Variants in LRRC53 observed in about 807,000 individuals in gnomAD.
LRRC53 encodes leucine-rich repeat-containing protein 53.
Under a neutral mutation model 13.6 loss-of-function variants are expected in LRRC53, and 25 were observed. The observed-to-expected ratio is 1.83, with a 90% CI of 1.34 to 2.56. The LOEUF (loss-of-function observed/expected upper bound fraction) is 2.56. LRRC53 is among the 30% of genes most tolerant of loss of function. The pLI is 0.00. For synonymous variants in LRRC53, 204 were observed against 109.8 expected (o/e 1.86, Z -5.37); for missense variants, 527 against 275.8 (o/e 1.91, Z -6.45).
Position 74,472,088 on chromosome 1 carries a change from CT to C in LRRC53, c.1533del (p.Glu512LysfsTer47). Reference sequence around the variant, plus strand: ...CTATGAGGGTGTAAGCCATTGTCTTCTTTTTCTATTGGAGGCTGCCATGATT... The same window carrying C: ...CTATGAGGGTGTAAGCCATTGTCTTCTTTTCTATTGGAGGCTGCCATGATT... ...TNESWQPPIE[K>X]EDNGLHPHRQ... is the part of the protein sequence containing the mutation. On this transcript the variant is annotated frameshift_variant, in exon 5 of 5. Coordinates refer to ENST00000294635, the MANE Select transcript of LRRC53 (RefSeq NM_001382280.1). LOFTEE classifies it low-confidence loss of function (END_TRUNC). 1.4e-6 allele frequency: 1 copy of C among 717,154 alleles called. No homozygotes were observed. The highest frequency in any genetic ancestry group is 2.6e-6 in the Non-Finnish European group (1 of 384,856). 44.4% of individuals were successfully genotyped at this position (717,154 alleles called of 1,614,324 possible). A position where few individuals can be genotyped will look rare whatever the true frequency, so the allele number is the denominator to read the frequency against.
intron 1 of LRRC53, among the ~76,000 whole-genome samples, chr1:74,501,690 T>G (rs1669640262): frequency 6.6e-6 from 1 of 152,148 alleles, no homozygotes; most frequent in South Asian, 2.1e-4. Context: ...GGTTTCACCA[T>G]GTTGGTCAGG....
chr1:74,471,069 C>G lies in LRRC53; in HGVS notation c.2553G>C (p.Arg851Ser), dbSNP rs1037699299. 2.5e-6 allele frequency: 1 copy of G among 400,684 alleles called. No homozygotes were observed. Among genetic ancestry groups the G allele is most frequent in the Non-Finnish European group, 4.4e-6 (1 of 226,174 alleles). The allele number at this position is 400,684 out of a possible 1,614,324, so 24.8% of individuals were successfully genotyped here. ...CAGTTGAGAATTGAGAATGTGAGTG[C>G]CTGTGCTCAGCATCAGTGGGTGTAG... Reference protein sequence around the residue: ...PQPTPTDAEHRHSHSQFSTEQ... With the variant: ...PQPTPTDAEHSHSHSQFSTEQ... The change falls in exon 5 of 5, where the codon AGG (arginine) becomes AGC (serine). Residue 851 changes from arginine to serine, a missense_variant. Arg to Ser is a moderately radical substitution (Grantham distance 110, BLOSUM62 -1). Transcript: ENST00000294635.
chr1:74,502,659 CCT>C (rs1433269243), intron 1 of LRRC53, among the ~76,000 whole-genome samples: 3 of 152,290 alleles, frequency 2.0e-5, no homozygotes, highest in Admixed American at 1.3e-4. Context: ...AACATACTTC[CCT>C]CTGTCTATGG....
rs142694240 is a variant in LRRC53 at position 74,471,179 on chromosome 1, G to A, written c.2443C>T (p.Arg815Cys). The A allele has an allele frequency of 2.6e-4, 105 of 400,670 alleles. 1 individual carries two copies. The highest frequency in any genetic ancestry group is 2.5e-3 in the Middle Eastern group (8 of 3,220). 24.8% of individuals were successfully genotyped at this position (400,670 alleles called of 1,614,324 possible). The part of the protein sequence containing the change: ...RAPLLSANNL[R>C]VVNQSSIESS... ...TCTATAGAGCTCTGGTTGACTACAC[G>A]CAAGTTGTTAGCACTGAGCAGGGGG... Residue 815 changes from arginine (R) to cysteine (C), a missense_variant, in exon 5 of 5, where the codon CGT (arginine) becomes TGT (cysteine). Coordinates refer to ENST00000294635, the MANE Select transcript of LRRC53 (RefSeq NM_001382280.1).
chr1:74,533,454 A>G, the LRRC53 span, among the ~76,000 whole-genome samples: 23 of 152,192 alleles, frequency 1.5e-4, no homozygotes, highest in African/African-American at 4.8e-4. Context: ...ACACTTTTAC[A>G]CTGTTGGTGG....
intron 1 of LRRC53, among the ~76,000 whole-genome samples, chr1:74,501,505 T>A (rs1669629620): frequency 6.7e-6 from 1 of 150,180 alleles, no homozygotes. Flanking sequence ...TGTTTGTTTG[T>A]TTTTTGAGAC....
intron 1 of LRRC53, among the ~76,000 whole-genome samples, chr1:74,500,150 TATA>T (rs1203729315): frequency 2.0e-5 from 3 of 152,048 alleles, no homozygotes; most frequent in African/African-American, 7.2e-5. Context: ...TCCTGACCTC[TATA>T]ATACCTCTTT....
At chr1:74,530,511 T>C in the LRRC53 span, among the ~76,000 whole-genome samples, 1 of 152,254 alleles carries the variant, frequency 6.6e-6, no homozygotes, top group South Asian at 2.1e-4. Flanking sequence ...TTTCCCACTG[T>C]CCTTAAAAAT....
At chr1:74,507,126 A>G (rs1405336452) in intron 1 of LRRC53, among the ~76,000 whole-genome samples, 3 of 152,194 alleles carry the variant, frequency 2.0e-5, no homozygotes, top group Non-Finnish European at 2.9e-5. Context: ...ATTATTCATT[A>G]CAAATATTTC....
At chr1:74,528,004 G>T in the LRRC53 span, among the ~76,000 whole-genome samples, 10 of 152,184 alleles carry the variant, frequency 6.6e-5, no homozygotes, top group Non-Finnish European at 1.5e-4. Flanking sequence ...CTTAAGTATG[G>T]TAAATAAGGT....
intron 1 of LRRC53, among the ~76,000 whole-genome samples, chr1:74,500,584 A>AGT (rs1669568245): frequency 8.5e-6 from 1 of 117,168 alleles, no homozygotes; most frequent in Non-Finnish European, 1.6e-5. Flanking sequence ...AGCCTGGGCG[A>AGT]CAGAGCGAGA....
intron 1 of LRRC53, among the ~76,000 whole-genome samples, chr1:74,510,625 A>G (rs952745902): frequency 3.3e-5 from 5 of 152,240 alleles, no homozygotes; most frequent in Admixed American, 3.3e-4. Context: ...CAAAACTACC[A>G]ACTACCAGAT....
At chr1:74,493,717 A>G (rs1669190417) in intron 1 of LRRC53, among the ~76,000 whole-genome samples, 2 of 152,304 alleles carry the variant, frequency 1.3e-5, no homozygotes, top group South Asian at 4.1e-4. Flanking sequence ...ACCTCCTTGG[A>G]CACCCACATA....
At chr1:74,519,797 A>C in the LRRC53 span, among the ~76,000 whole-genome samples, 4 of 152,156 alleles carry the variant, frequency 2.6e-5, no homozygotes, top group African/African-American at 9.7e-5. Flanking sequence ...CAAAGCTTTA[A>C]GTTTATAATG....
chr1:74,487,440 T>G lies in LRRC53; in HGVS notation c.-26-4065A>C, dbSNP rs1010104041. On this transcript the variant is annotated intron_variant, in intron 1 of 4. Coordinates refer to ENST00000294635, the MANE Select transcript of LRRC53 (RefSeq NM_001382280.1). ...GACTAGAAATATGTAATAGGCTCTC[T>G]GAATAGTACTGACGGTCCATGGGAG... 1.1e-4 allele frequency among the ~76,000 whole-genome samples: 17 copies of G among 152,274 alleles called. No homozygotes were observed. In the East Asian group the frequency reaches 2.9e-3, roughly 26 times the overall value.
At chr1:74,535,288 G>C in the LRRC53 span, among the ~76,000 whole-genome samples, 5 of 152,210 alleles carry the variant, frequency 3.3e-5, no homozygotes, top group South Asian at 2.1e-4. Flanking sequence ...TGACCAACAT[G>C]ATGAAGCCCC....
At chr1:74,523,508 C>T in the LRRC53 span, among the ~76,000 whole-genome samples, 3 of 128,894 alleles carry the variant, frequency 2.3e-5, no homozygotes, top group East Asian at 6.7e-4. Context: ...GAAAGAGACT[C>T]ACTTAAAAAA....
chr1:74,480,653 C>T lies in LRRC53; in HGVS notation c.404G>A (p.Arg135Gln), dbSNP rs879127983. 2.8e-6 allele frequency: 2 copies of T among 717,256 alleles called. No homozygotes were observed. The highest frequency in any genetic ancestry group is 1.5e-5 in the South Asian group (1 of 67,586). The allele number at this position is 717,256 out of a possible 1,614,324, so 44.4% of individuals were successfully genotyped here. A position where few individuals can be genotyped will look rare whatever the true frequency, so the allele number is the denominator to read the frequency against. ...SWFRNTSGLTRLQLDGNQITN... is the reference protein window; with the variant it reads ...SWFRNTSGLTQLQLDGNQITN... ...AATCTGATTCCCATCCAGCTGGAGC[C>T]GGGTCAGGCCGCTTGTGTTTCGGAA... The change falls in exon 3 of 5, where the codon CGG (arginine) becomes CAG (glutamine). Residue 135 changes from arginine to glutamine, a missense_variant. Transcript: ENST00000294635.
At chr1:74,520,366 G>A in the LRRC53 span, among the ~76,000 whole-genome samples, 173 of 152,046 alleles carry the variant, frequency 1.1e-3, 2 homozygotes, top group Middle Eastern at 0.014. Context: ...AGACTACTTC[G>A]CGTGAGTTCC....
Sources: gnomAD v4.1 joint callset for allele counts (sites outside exome capture counted in the v4.1 genomes callset) on GRCh38, gnomAD v4.1.1 for gene constraint, MANE v1.5 for transcripts, NCBI Gene and HGNC (gene_info 2026-07-23, HGNC 2026-07-21) for gene names.